SPEF2: variants seen among roughly 807,000 people sequenced by gnomAD.
The protein encoded by SPEF2 is sperm flagella and cilia-associated protein 2.
A neutral mutation model predicts 224.6 loss-of-function variants in SPEF2; 187 were observed. The ratio of observed to expected loss-of-function variants is 0.83; its 90% CI spans 0.74 to 0.94. SPEF2 has a LOEUF of 0.94. Ranked by LOEUF, SPEF2 falls within the 40% of genes least tolerant of loss-of-function variation. The pLI is 0.00. For missense variants in SPEF2, 2,170 were observed against 2,135.6 expected (o/e 1.02, Z -0.32); for synonymous variants, 715 against 707.3 (o/e 1.01, Z -0.17).
intron 10 of SPEF2, among the ~76,000 whole-genome samples, chr5:35,681,093 TC>T (rs1364893176): frequency 6.6e-6 from 1 of 152,236 alleles, no homozygotes; most frequent in Non-Finnish European, 1.5e-5. Flanking sequence ...TAATACTTTT[TC>T]TTTGGATACA....
chr5:35,652,326 C>T (rs1748313572), intron 6 of SPEF2, among the ~76,000 whole-genome samples: 1 of 151,820 alleles, frequency 6.6e-6, no homozygotes, highest in African/African-American at 2.4e-5. Flanking sequence ...AGCTATTAAC[C>T]CACGCTCAAT....
Position 35,622,650 on chromosome 5 carries a change from C to T in SPEF2, c.58+4595C>T, listed in dbSNP as rs539947171. On this transcript the variant is annotated intron_variant, in intron 1 of 36. Coordinates refer to ENST00000356031, the MANE Select transcript of SPEF2 (RefSeq NM_024867.4). ...CCTTACACATTTTCTCATACTTAAA[C>T]ACTCAGAATCATTAGAAAATCTATT... Among the ~76,000 whole-genome samples the T allele has an allele frequency of 8.5e-5, 13 of 152,278 alleles. 1 individual carries two copies. The South Asian group carries it at 2.7e-3, about 32-fold the overall frequency.
intron 10 of SPEF2, among the ~76,000 whole-genome samples, chr5:35,688,184 C>T (rs1055251529): frequency 6.6e-6 from 1 of 152,184 alleles, no homozygotes; most frequent in African/African-American, 2.4e-5. Context: ...TAGCTGCCAC[C>T]TCTGCACCAG....
At chr5:35,660,523 G>C (rs181666693) in intron 8 of SPEF2, among the ~76,000 whole-genome samples, 1 of 152,192 alleles carries the variant, frequency 6.6e-6, no homozygotes, top group Admixed American at 6.5e-5. Context: ...TGCCTTTGTG[G>C]AACAGGCATA....
At chr5:35,738,132 C>T (rs1279258821) in intron 21 of SPEF2, among the ~76,000 whole-genome samples, 1 of 151,938 alleles carries the variant, frequency 6.6e-6, no homozygotes, top group Admixed American at 6.6e-5. Flanking sequence ...TCAGATGAGT[C>T]GATTGCAAAA....
chr5:35,637,943 C>T (rs1369278578), intron 2 of SPEF2, among the ~76,000 whole-genome samples: 5 of 152,236 alleles, frequency 3.3e-5, no homozygotes, highest in East Asian at 3.9e-4. Flanking sequence ...ATGACTTGCA[C>T]GTAACCAGAT....
intron 36 of SPEF2, chr5:35,808,120 T>C: frequency 3.0e-6 from 3 of 992,690 alleles, no homozygotes; most frequent in Non-Finnish European, 3.6e-6. Flanking sequence ...CAAATGAAAC[T>C]ATTCAGACTT....
chr5:35,629,294 C>T (rs930684075), intron 2 of SPEF2, among the ~76,000 whole-genome samples: 1 of 150,968 alleles, frequency 6.6e-6, no homozygotes, highest in African/African-American at 2.4e-5. Flanking sequence ...GCTGGGACTA[C>T]AGGCGCCTGC....
At chr5:35,622,738 T>C (rs140664173) in intron 1 of SPEF2, among the ~76,000 whole-genome samples, 1 of 152,342 alleles carries the variant, frequency 6.6e-6, no homozygotes, top group African/African-American at 2.4e-5. Context: ...TTTTTCTTGA[T>C]TAAAACTTGG....
At chr5:35,631,411 A>G (rs1476691279) in intron 2 of SPEF2, among the ~76,000 whole-genome samples, 1 of 152,204 alleles carries the variant, frequency 6.6e-6, no homozygotes, top group Non-Finnish European at 1.5e-5. Flanking sequence ...TCAAGATCAC[A>G]AGACACCACT....
intron 25 of SPEF2, among the ~76,000 whole-genome samples, chr5:35,760,167 C>T (rs551471483): frequency 1.3e-5 from 2 of 152,060 alleles, no homozygotes; most frequent in African/African-American, 4.8e-5. Context: ...CGAGATCATC[C>T]TGGCTAACAC....
intron 16 of SPEF2, chr5:35,702,357 TG>T (rs1343986754): frequency 6.6e-6 from 3 of 455,204 alleles, no homozygotes; most frequent in East Asian, 7.0e-5. Context: ...GGCAGGAGAC[TG>T]GGGGATGTAA....
Position 35,692,644 on chromosome 5 carries a change from G to A in SPEF2, c.1819G>A (p.Val607Ile). 6.8e-6 allele frequency: 11 copies of A among 1,613,724 alleles called. No homozygotes were observed. Among genetic ancestry groups the A allele is most frequent in the Non-Finnish European group, 9.3e-6 (11 of 1,179,722 alleles). ...CCAAGCATTTCATGACAATGAAAAA[G>A]TCAGTGAGGTTCTACCAATTCAGAA... is the stretch of plus-strand genomic sequence containing the variant. Reference protein sequence around the residue: ...AIQAFHDNEKVSEVLPIQKND... With the variant: ...AIQAFHDNEKISEVLPIQKND... The change falls in exon 12 of 37, where the codon GTC becomes ATC. Residue 607 changes from valine (V) to isoleucine (I), a missense_variant. By Grantham distance (29) the Val-to-Ile change is conservative. Transcript: ENST00000356031.
rs1554048783 is a variant in SPEF2 at position 35,751,078 on chromosome 5, T to TACGTATATATATACGTATATATATACAC, written c.3331-2544_3331-2543insGTATATATATACGTATATATATACACAC. 9.3e-4 allele frequency among the ~76,000 whole-genome samples: 21 copies of TACGTATATATATACGTATATATATACAC among 22,626 alleles called. 2 individuals are homozygous for TACGTATATATATACGTATATATATACAC. Among genetic ancestry groups the TACGTATATATATACGTATATATATACAC allele is most frequent in the East Asian group, 5.9e-3 (4 of 676 alleles). 14.8% of individuals were successfully genotyped at this position (22,626 alleles called of 152,430 possible). A position where few individuals can be genotyped will look rare whatever the true frequency, so the allele number is the denominator to read the frequency against. ...ATACGTATATATATGTATATATATA[T>TACGTATATATATACGTATATATATACAC]ACACACACACACACACACATATATA... is the stretch of plus-strand genomic sequence containing the variant. On this transcript the variant is annotated intron_variant, in intron 23 of 36. Transcript: ENST00000356031.
chr5:35,677,257 G>A (rs969833402), intron 10 of SPEF2, among the ~76,000 whole-genome samples: 1 of 152,222 alleles, frequency 6.6e-6, no homozygotes, highest in Middle Eastern at 3.4e-3. Flanking sequence ...GATACTTCTG[G>A]AAACATTCCT....
intron 10 of SPEF2, among the ~76,000 whole-genome samples, chr5:35,676,558 G>A (rs1233801225): frequency 6.6e-6 from 1 of 151,938 alleles, no homozygotes; most frequent in Non-Finnish European, 1.5e-5. Flanking sequence ...GTGAAACCCC[G>A]TCTCTCCTAA....
In SPEF2 at chr5:35,751,100, T is replaced by C. The variant is rs1207197579; in HGVS notation, c.3331-2524T>C. On this transcript the variant is annotated intron_variant, in intron 23 of 36. Transcript: ENST00000356031. ...ATATACACACACACACACACACATA[T>C]ATATATATATATATATATGATGGAA... is the stretch of plus-strand genomic sequence containing the variant. Among the ~76,000 whole-genome samples the C allele has an allele frequency of 9.1e-4, 97 of 106,320 alleles. 8 individuals are homozygous for C. The highest frequency in any genetic ancestry group is 2.9e-3 in the African/African-American group (68 of 23,068). The allele number at this position is 106,320 out of a possible 152,430, so 69.8% of individuals were successfully genotyped here.
At chr5:35,705,496 C>T (rs180754168) in intron 17 of SPEF2, among the ~76,000 whole-genome samples, 155 bp from the exon 18 acceptor site, 36 of 152,158 alleles carry the variant, frequency 2.4e-4, no homozygotes, top group Non-Finnish European at 4.9e-4. Flanking sequence ...TAAGTAATTT[C>T]TTCTTTAATC....
At chr5:35,660,999 T>G (rs1001475241) in intron 8 of SPEF2, among the ~76,000 whole-genome samples, 5 of 151,950 alleles carry the variant, frequency 3.3e-5, no homozygotes, top group Non-Finnish European at 7.4e-5. Flanking sequence ...TTGGCATCTC[T>G]CCCTTAGAGA....
Sources: gnomAD v4.1 joint callset for allele counts (sites outside exome capture counted in the v4.1 genomes callset) on GRCh38, gnomAD v4.1.1 for gene constraint, MANE v1.5 for transcripts, NCBI Gene and HGNC (gene_info 2026-07-23, HGNC 2026-07-21) for gene names.